Variants in KIF14 observed in about 807,000 individuals in gnomAD.
KIF14 encodes kinesin family member 14.
A neutral mutation model predicts 176.2 loss-of-function variants in KIF14; 98 were observed. The observed-to-expected ratio is 0.56, with a 90% CI of 0.47 to 0.66. The LOEUF (loss-of-function observed/expected upper bound fraction) is 0.66. Ranked by LOEUF, KIF14 falls within the 30% of genes least tolerant of loss-of-function variation. The pLI is 0.00. For synonymous variants in KIF14, 566 were observed against 632.2 expected (o/e 0.90, Z 1.57); for missense variants, 1,751 against 1,920.4 (o/e 0.91, Z 1.65).
chr1:200,575,542 C>T, intron 22 of KIF14, 49 bp downstream of exon 22: 2 of 951,020 alleles, frequency 2.1e-6, no homozygotes, highest in South Asian at 1.6e-5. Context: ...CACACACACA[C>T]ACATGCACAC....
Position 200,565,436 on chromosome 1 carries a change from A to G in KIF14, c.3886+9T>C, listed in dbSNP as rs1321729979. The G allele has an allele frequency of 6.4e-7, 1 of 1,564,898 alleles. No homozygotes were observed. The highest frequency in any genetic ancestry group is 2.2e-5 in the East Asian group (1 of 44,488). ...TATGTGAGTTAACAAAAGCAGTGAG[A>G]TTGCTTACAGTTATCTTGACTTTCT... On this transcript the variant is annotated intron_variant, in intron 24 of 29. Transcript: ENST00000367350.
At chr1:200,565,320 T>C in intron 24 of KIF14, 67 bp from the exon 25 acceptor site, 1 of 1,472,912 alleles carries the variant, frequency 6.8e-7, no homozygotes. Flanking sequence ...TATATGATCA[T>C]CATTAAAACA....
At chr1:200,594,880 C>T (rs1659249698) in intron 14 of KIF14, among the ~76,000 whole-genome samples, 1 of 152,194 alleles carries the variant, frequency 6.6e-6, no homozygotes, top group African/African-American at 2.4e-5. Flanking sequence ...TCCTACCAGT[C>T]TAGTGTCTTA....
chr1:200,600,176 A>G, intron 12 of KIF14, 63 bp from the exon 13 acceptor site: 1 of 1,300,918 alleles, frequency 7.7e-7, no homozygotes, highest in Non-Finnish European at 1.1e-6. Context: ...TTGAGAGTCA[A>G]GAGACAATCA....
At chr1:200,586,783 A>G (rs1444157338) in intron 18 of KIF14, among the ~76,000 whole-genome samples, 1 of 54,010 alleles carries the variant, frequency 1.9e-5, no homozygotes, top group Non-Finnish European at 3.4e-5. Flanking sequence ...GTATATATAT[A>G]TACATACATA....
At chr1:200,565,008 A>C (rs1365560603) in intron 25 of KIF14, 61 bp downstream of exon 25, 1 of 1,338,628 alleles carries the variant, frequency 7.5e-7, no homozygotes, top group Admixed American at 2.0e-5. Context: ...TATAGACAGT[A>C]GAAAGCCAAT....
chr1:200,620,001 G>A (rs1427587435), intron 1 of KIF14, among the ~76,000 whole-genome samples: 1 of 152,162 alleles, frequency 6.6e-6, no homozygotes, highest in African/African-American at 2.4e-5. Context: ...GTTCTAACCT[G>A]TAAAATGACA....
Position 200,600,048 on chromosome 1 carries a change from A to G in KIF14, c.2364+2T>C, listed in dbSNP as rs759425815. The G allele has an allele frequency of 2.6e-6, 4 of 1,539,392 alleles. No individual in the cohort carries two copies. The highest frequency in any genetic ancestry group is 1.8e-5 in the Admixed American group (1 of 57,130). The stretch of plus-strand genomic sequence containing the variant: ...AATCAGTTTAGAAAGTTGAAATAAT[A>G]CCTGTAACTCTTTTGTTTCTTGAAG... On this transcript the variant is annotated splice_donor_variant, in intron 13 of 29. Coordinates refer to ENST00000367350, the MANE Select transcript of KIF14 (RefSeq NM_014875.3). LOFTEE classifies it high-confidence loss of function.
At chr1:200,582,973 G>A (rs1310888110) in intron 19 of KIF14, among the ~76,000 whole-genome samples, 1 of 151,956 alleles carries the variant, frequency 6.6e-6, no homozygotes, top group Non-Finnish European at 1.5e-5. Context: ...GAATTTGATA[G>A]GCCTGAAGAT....
intron 22 of KIF14, 131 bp downstream of exon 22, chr1:200,575,460 C>G: frequency 2.3e-6 from 1 of 438,274 alleles, no homozygotes; most frequent in Non-Finnish European, 4.0e-6. Context: ...GGTTTCCTGT[C>G]CAGACATCTA....
At chr1:200,603,779 C>A in intron 9 of KIF14, 60 bp downstream of exon 9, 1 of 1,049,374 alleles carries the variant, frequency 9.5e-7, no homozygotes, top group South Asian at 1.3e-5. Flanking sequence ...TTTGTATTCT[C>A]CTTAAAATAA....
At chr1:200,568,120 C>T (rs897885160) in intron 23 of KIF14, among the ~76,000 whole-genome samples, 1 of 152,042 alleles carries the variant, frequency 6.6e-6, no homozygotes, top group African/African-American at 2.4e-5. Flanking sequence ...GGGGTACAGC[C>T]CCTCACCCCC....
At chr1:200,587,046 A>G (rs1314711396) in intron 18 of KIF14, among the ~76,000 whole-genome samples, 2 of 151,962 alleles carry the variant, frequency 1.3e-5, no homozygotes, top group Non-Finnish European at 2.9e-5. Flanking sequence ...GTGGAAGACA[A>G]TTTTTCCACG....
At chr1:200,606,313 T>C (rs1465668433) in intron 6 of KIF14, among the ~76,000 whole-genome samples, 1 of 152,078 alleles carries the variant, frequency 6.6e-6, no homozygotes, top group Non-Finnish European at 1.5e-5. Context: ...GCATTTGCAG[T>C]GTTGGAAAAA....
intron 21 of KIF14, among the ~76,000 whole-genome samples, chr1:200,579,444 T>TA (rs1400401661): frequency 1.3e-5 from 2 of 152,010 alleles, no homozygotes; most frequent in African/African-American, 2.4e-5. Context: ...TCGTCTTTTT[T>TA]AAAAAAATAC....
intron 25 of KIF14, among the ~76,000 whole-genome samples, chr1:200,561,229 T>TAAAAAAAAA (rs10643609): frequency 1.6e-5 from 2 of 128,060 alleles, no homozygotes; most frequent in Non-Finnish European, 3.2e-5. Flanking sequence ...GACTCCATCT[T>TAAAAAAAAA]AAAAAAAAAA....
At chr1:200,581,499 G>A (rs552667616) in intron 19 of KIF14, among the ~76,000 whole-genome samples, 1 of 152,174 alleles carries the variant, frequency 6.6e-6, no homozygotes, top group South Asian at 2.1e-4. Flanking sequence ...GTGGGAAGAT[G>A]TAAGAAAATG....
rs527961608 is a variant in KIF14, at chr1:200,595,433, C to G, written c.2550-1664G>C. 2.6e-5 allele frequency among the ~76,000 whole-genome samples: 4 copies of G among 152,178 alleles called. No homozygotes were observed. In the East Asian group the frequency reaches 7.7e-4, roughly 29 times the overall value. On this transcript the variant is annotated intron_variant, in intron 14 of 29. Transcript: ENST00000367350. Reference sequence around the variant, plus strand: ...AATCAGCTTTCATAAAGTTCATGGTCTAGTGAACAAGATAAACTGAGGAAG... The same window carrying G: ...AATCAGCTTTCATAAAGTTCATGGTGTAGTGAACAAGATAAACTGAGGAAG...
intron 22 of KIF14, among the ~76,000 whole-genome samples, chr1:200,571,417 C>T (rs1192243992): frequency 1.3e-5 from 2 of 151,852 alleles, no homozygotes; most frequent in Admixed American, 1.3e-4. Flanking sequence ...AAAATGGAGG[C>T]TACCCTTTCT....
Sources: allele counts gnomAD v4.1 joint callset (sites outside exome capture counted in the v4.1 genomes callset), GRCh38; gene constraint gnomAD v4.1.1; transcripts MANE v1.5; gene names NCBI Gene and HGNC (gene_info 2026-07-23, HGNC 2026-07-21).